PTPRN2: variants seen among roughly 807,000 people sequenced by gnomAD.
The protein encoded by PTPRN2 is protein tyrosine phosphatase receptor type N2.
PTPRN2 carries 74 observed loss-of-function variants against 118.8 expected under a neutral mutation model. The observed-to-expected ratio is 0.62, with a 90% CI of 0.52 to 0.76. The LOEUF is 0.76. Ranked by LOEUF, PTPRN2 falls within the 30% of genes least tolerant of loss-of-function variation. The pLI is 0.00. For synonymous variants in PTPRN2, 641 were observed against 608.0 expected, an observed-to-expected ratio of 1.05 and a Z score of -0.80; for missense variants, 1,481 against 1,394.4, an observed-to-expected ratio of 1.06 and a Z score of -0.99.
rs557093286 is a variant in PTPRN2 at position 158,243,022 on chromosome 7, C to G, written c.278-37749G>C. ...TTCTAGGCTATTTGACTTGTTTCTTCTCTAATCATTGTTATTTCCTTCCTT... is the reference window on the plus strand; with the variant it reads ...TTCTAGGCTATTTGACTTGTTTCTTGTCTAATCATTGTTATTTCCTTCCTT... On this transcript the variant is annotated intron_variant, in intron 3 of 22. Transcript: ENST00000389418. Among the ~76,000 whole-genome samples the G allele has an allele frequency of 1.1e-3, 164 of 152,278 alleles. 1 individual carries two copies. Among genetic ancestry groups the G allele is most frequent in the African/African-American group, 3.9e-3 (161 of 41,560 alleles).
rs542361910 is a variant in PTPRN2 at position 157,764,381 on chromosome 7, G to A, written c.1789-81444C>T. 6.6e-6 allele frequency among the ~76,000 whole-genome samples: 1 copy of A among 152,274 alleles called. No individual in the cohort carries two copies. The highest frequency in any genetic ancestry group is 2.4e-5 in the African/African-American group (1 of 41,526). Reference sequence around the variant, plus strand: ...ACATCATGTGGTCCACCCACACATGGGAATATTACTCAGCACTGAAAAGGC... The same window carrying A: ...ACATCATGTGGTCCACCCACACATGAGAATATTACTCAGCACTGAAAAGGC... On this transcript the variant is annotated intron_variant, in intron 12 of 22. Coordinates refer to ENST00000389418, the MANE Select transcript of PTPRN2 (RefSeq NM_002847.5). This position sits in a 1 kb window ranked among gnomAD's most constrained non-coding sequence, Gnocchi z 4.5.
rs111510344 is a variant in PTPRN2, at chr7:158,457,534, G to A, written c.163+32201C>T. Among the ~76,000 whole-genome samples the A allele has an allele frequency of 1.9e-3, 234 of 126,104 alleles. 1 individual carries two copies. Among genetic ancestry groups the A allele is most frequent in the Middle Eastern group, 0.015 (3 of 194 alleles). 82.7% of individuals were successfully genotyped at this position (126,104 alleles called of 152,430 possible). A position where few individuals can be genotyped will look rare whatever the true frequency, so the allele number is the denominator to read the frequency against. ...TCTCCAGGGCGAGCCTGGCCTGGGG[G>A]GAGTCACAGTAAAGCCACCGTCAAA... On this transcript the variant is annotated intron_variant, in intron 2 of 22. Transcript: ENST00000389418.
chr7:157,874,825 ACAGAGACACACT>A lies in PTPRN2; in HGVS notation c.1788+23836_1788+23847del, dbSNP rs1269094843. Among the ~76,000 whole-genome samples the A allele has an allele frequency of 2.6e-5, 4 of 151,670 alleles. No homozygotes were observed. The highest frequency in any genetic ancestry group is 4.9e-5 in the African/African-American group (2 of 41,224). On this transcript the variant is annotated intron_variant, in intron 12 of 22. Transcript: ENST00000389418. This position sits in a 1 kb window ranked among gnomAD's most constrained non-coding sequence, Gnocchi z 5.8. The stretch of plus-strand genomic sequence containing the variant: ...CACAGAGACACACTCATGGACACAC[ACAGAGACACACT>A]CATGCACATATACACACGGAGACAC...
Position 157,780,642 on chromosome 7 carries a change from T to C in PTPRN2, c.1789-97705A>G, listed in dbSNP as rs560002496. ...GACTGCCTTCCTCTGTGCCTCAGTT[T>C]CCCTGTTTGCACAATGGGGCTTCAC... On this transcript the variant is annotated intron_variant, in intron 12 of 22. Coordinates refer to ENST00000389418, the MANE Select transcript of PTPRN2 (RefSeq NM_002847.5). The surrounding 1 kb of genome is among the most constrained non-coding windows in gnomAD (Gnocchi z 4.5). 2.6e-5 allele frequency among the ~76,000 whole-genome samples: 4 copies of C among 152,302 alleles called. No individual in the cohort carries two copies. The South Asian group carries it at 8.3e-4, about 32-fold the overall frequency.
chr7:158,010,769 CT>C (rs1805988803), intron 11 of PTPRN2, among the ~76,000 whole-genome samples: 6 of 152,174 alleles, frequency 3.9e-5, no homozygotes, highest in African/African-American at 1.4e-4. Context: ...TCTCTGCTGC[CT>C]TACACACAGT....
chr7:158,346,562 C>A (rs1807528529), intron 2 of PTPRN2, among the ~76,000 whole-genome samples: 1 of 152,188 alleles, frequency 6.6e-6, no homozygotes, highest in Admixed American at 6.5e-5. Context: ...CCATTGTGGA[C>A]AGTGCTGCAG....
At chr7:158,160,606 G>A (rs1822273673) in intron 6 of PTPRN2, among the ~76,000 whole-genome samples, 1 of 152,198 alleles carries the variant, frequency 6.6e-6, no homozygotes, top group Admixed American at 6.5e-5. Context: ...GACTGTTTAT[G>A]CAGCAGTGAC....
rs1335526209 is a variant in PTPRN2, at chr7:157,603,842, G to A, written c.2418+160C>T. ...AACAGCCCCGCTGGTGAAGGAACAG[G>A]GGAGTGGCGGGAGCCCAATGGGCAG... On this transcript the variant is annotated intron_variant, in intron 16 of 22. Coordinates refer to ENST00000389418, the MANE Select transcript of PTPRN2 (RefSeq NM_002847.5). The surrounding 1 kb of genome is among the most constrained non-coding windows in gnomAD (Gnocchi z 5.4). Among the ~76,000 whole-genome samples, 1 of 152,158 alleles carries A rather than the reference G, an allele frequency of 6.6e-6. No individual in the cohort carries two copies. The highest frequency in any genetic ancestry group is 2.4e-5 in the African/African-American group (1 of 41,444).
Position 157,548,922 on chromosome 7 carries a change from T to C in PTPRN2, c.2976+24A>G, listed in dbSNP as rs201707105. ...GAGAGGCACCTTGAATGGGTCTGCG[T>C]CCCGGAGGAGAGACTGACAGTACCT... is the stretch of plus-strand genomic sequence containing the variant. On this transcript the variant is annotated intron_variant, in intron 22 of 22. Transcript: ENST00000389418. The C allele has an allele frequency of 7.1e-5, 115 of 1,610,002 alleles. No homozygotes were observed. In the African/African-American group the frequency reaches 1.4e-3, roughly 19 times the overall value.
chr7:158,570,449 C>G lies in PTPRN2; in HGVS notation c.112+17109G>C, dbSNP rs1827955311. On this transcript the variant is annotated intron_variant, in intron 1 of 22. Transcript: ENST00000389418. The surrounding 1 kb of genome is among the most constrained non-coding windows in gnomAD (Gnocchi z 4.5). ...CACCCTCTCCCACCATCCATCCTCA[C>G]AGACGGACTCTGCACCGTGAGAAAG... Among the ~76,000 whole-genome samples, 1 of 152,232 alleles carries G rather than the reference C, an allele frequency of 6.6e-6. No homozygotes were observed. Among genetic ancestry groups the G allele is most frequent in the African/African-American group, 2.4e-5 (1 of 41,462 alleles).
At chr7:158,269,695 CAA>C (rs1260316877) in intron 3 of PTPRN2, among the ~76,000 whole-genome samples, 1 of 151,986 alleles carries the variant, frequency 6.6e-6, no homozygotes, top group Non-Finnish European at 1.5e-5. Context: ...AGGAGGACAG[CAA>C]AGTCAGCTGA....
chr7:157,567,807 C>T (rs953242358), intron 21 of PTPRN2, among the ~76,000 whole-genome samples: 3 of 152,078 alleles, frequency 2.0e-5, no homozygotes, highest in Non-Finnish European at 2.9e-5. Context: ...TTCCATGGGA[C>T]GCTAACGGGT....
rs1335852703 is a variant in PTPRN2 at position 157,847,802 on chromosome 7, G to T, written c.1788+50871C>A. Among the ~76,000 whole-genome samples, 3 of 136,714 alleles carry T rather than the reference G, an allele frequency of 2.2e-5. No homozygotes were observed. In the East Asian group the frequency reaches 7.0e-4, roughly 32 times the overall value. 89.7% of individuals were successfully genotyped at this position (136,714 alleles called of 152,430 possible). On this transcript the variant is annotated intron_variant, in intron 12 of 22. Coordinates refer to ENST00000389418, the MANE Select transcript of PTPRN2 (RefSeq NM_002847.5). ...AGAGCCCTCTCTCACTCCATCATGC[G>T]TGCCCGATGTCTACAGAGCCCTCTC...
intron 14 of PTPRN2, among the ~76,000 whole-genome samples, chr7:157,641,973 T>C (rs919370778): frequency 6.6e-6 from 1 of 152,124 alleles, no homozygotes; most frequent in African/African-American, 2.4e-5. Context: ...TGCTTCCTGA[T>C]GGAGCTGTGC....
chr7:157,796,695 G>T (rs947080540), intron 12 of PTPRN2, among the ~76,000 whole-genome samples: 13 of 152,276 alleles, frequency 8.5e-5, no homozygotes, highest in African/African-American at 3.1e-4. Flanking sequence ...TTCTGCTTCT[G>T]GGGAGGCCTC....
At chr7:158,060,740 T>C (rs1021240678) in intron 11 of PTPRN2, among the ~76,000 whole-genome samples, 8 of 152,202 alleles carry the variant, frequency 5.3e-5, no homozygotes, top group Non-Finnish European at 8.8e-5. Flanking sequence ...GCTAGAGACA[T>C]TGCATTCATT....
intron 13 of PTPRN2, among the ~76,000 whole-genome samples, chr7:157,660,329 C>T (rs945034144): frequency 3.3e-5 from 5 of 152,152 alleles, no homozygotes; most frequent in Admixed American, 1.3e-4. Context: ...GGGAGAGCTA[C>T]AGTGAGGTCT....
At position 157,641,575 on chromosome 7, in the gene PTPRN2, G is replaced by A. The variant is rs371494505; in HGVS notation, c.2196+14782C>T. ...GTGGAAGGGGAAGCCAGAGTTCACA[G>A]GATGTAATGCTGGCCCAGATGTCAC... On this transcript the variant is annotated intron_variant, in intron 14 of 22. Transcript: ENST00000389418. Among the ~76,000 whole-genome samples the A allele has an allele frequency of 2.8e-4, 43 of 152,262 alleles. No individual in the cohort carries two copies. In the East Asian group the frequency reaches 5.6e-3, roughly 20 times the overall value.
chr7:158,445,747 C>T (rs1364680853), intron 2 of PTPRN2, among the ~76,000 whole-genome samples: 1 of 152,240 alleles, frequency 6.6e-6, no homozygotes, highest in African/African-American at 2.4e-5. Context: ...GGGCGCTCTG[C>T]CCCAAGTCAG....
Sources: allele counts gnomAD v4.1 joint callset (sites outside exome capture counted in the v4.1 genomes callset), GRCh38; gene constraint gnomAD v4.1.1; non-coding constraint Gnocchi (gnomAD v3.1); transcripts MANE v1.5; gene names NCBI Gene and HGNC (gene_info 2026-07-23, HGNC 2026-07-21).